TPRX2: variants seen among roughly 807,000 people sequenced by gnomAD.
The protein encoded by TPRX2 is tetrapeptide repeat homeobox protein 2.
the TPRX2 span, chr19:47,861,142 T>TCCCAGG: frequency 2.9e-6 from 2 of 694,698 alleles, no homozygotes; most frequent in South Asian, 1.5e-5. Flanking sequence ...CCAGCCCAGA[T>TCCCAGG]CCCAGGCCCA....
the TPRX2 span, chr19:47,861,198 T>A: frequency 1.6e-6 from 1 of 630,950 alleles, no homozygotes. Flanking sequence ...AGGCCCACTG[T>A]CAGTCTCGAT....
At chr19:47,859,391 G>C in the TPRX2 span, among the ~76,000 whole-genome samples, 13,199 of 150,586 alleles carry the variant, frequency 0.088, 823 homozygotes, top group Non-Finnish European at 0.13. Context: ...TCCTGCAGAC[G>C]GGGGAGAACT....
At chr19:47,861,160 G>GCCCAGC in the TPRX2 span, 2 of 683,038 alleles carry the variant, frequency 2.9e-6, no homozygotes, top group African/African-American at 3.5e-5. Context: ...CCAGTCCCAG[G>GCCCAGC]CCCAGCCCCG....
chr19:47,861,358 C>T, the TPRX2 span: 9 of 473,812 alleles, frequency 1.9e-5, no homozygotes, highest in Non-Finnish European at 3.8e-5. Context: ...AACTTGTCGC[C>T]AGACACCCAG....
the TPRX2 span, chr19:47,861,115 C>T: frequency 1.4e-6 from 1 of 703,922 alleles, no homozygotes; most frequent in Non-Finnish European, 2.6e-6. Flanking sequence ...GGCCCAATCC[C>T]AGCCCCTATC....
At chr19:47,861,285 G>A in the TPRX2 span, 1 of 497,122 alleles carries the variant, frequency 2.0e-6, no homozygotes, top group Non-Finnish European at 4.0e-6. Context: ...CCTGATGCCA[G>A]GCCCAGGATC....
chr19:47,861,009 G>A, the TPRX2 span: 2 of 1,044,696 alleles, frequency 1.9e-6, no homozygotes, highest in Non-Finnish European at 2.9e-6. Flanking sequence ...AGTCCTCCCA[G>A]CAGCAGAACC....
At chr19:47,860,855 G>T in the TPRX2 span, 5 of 1,532,808 alleles carry the variant, frequency 3.3e-6, no homozygotes, top group African/African-American at 4.1e-5. Context: ...GGCTCCAGCA[G>T]CAGCCCCAGC....
the TPRX2 span, chr19:47,860,351 C>T: frequency 9.7e-6 from 9 of 932,088 alleles, no homozygotes; most frequent in African/African-American, 1.7e-5. Context: ...TGTCACTCAC[C>T]GGGGCCTGGC....
At chr19:47,860,376 C>T in the TPRX2 span, 1 of 665,120 alleles carries the variant, frequency 1.5e-6, no homozygotes, top group South Asian at 1.8e-5. Flanking sequence ...CCGACCACCT[C>T]CCGCCCTGCC....
At chr19:47,860,845 G>A in the TPRX2 span, 6 of 1,532,792 alleles carry the variant, frequency 3.9e-6, no homozygotes, top group Non-Finnish European at 4.4e-6. Context: ...CGGGAGCGGC[G>A]GCTCCAGCAG....
At chr19:47,860,761 T>C in the TPRX2 span, 174 of 1,516,340 alleles carry the variant, frequency 1.1e-4, 1 homozygote, top group East Asian at 4.6e-4. Context: ...GCCGCGCGAG[T>C]CCCTCCTTCA....
the TPRX2 span, chr19:47,861,207 A>G: frequency 1.6e-6 from 1 of 613,972 alleles, no homozygotes; most frequent in South Asian, 1.5e-5. Context: ...GTCAGTCTCG[A>G]TCCCCGGTCC....
At chr19:47,860,756 G>A in the TPRX2 span, 4 of 1,510,776 alleles carry the variant, frequency 2.6e-6, no homozygotes, top group Admixed American at 2.1e-5. Context: ...CCCGGGCCGC[G>A]CGAGTCCCTC....
the TPRX2 span, chr19:47,861,571 C>A: frequency 1.8e-6 from 2 of 1,092,446 alleles, no homozygotes; most frequent in African/African-American, 1.6e-5. Context: ...CTGATCTACA[C>A]TGCTGGTGAC....
chr19:47,859,902 C>T, the TPRX2 span, among the ~76,000 whole-genome samples: 1 of 149,990 alleles, frequency 6.7e-6, no homozygotes, highest in African/African-American at 2.4e-5. Flanking sequence ...ACGCTGCCTG[C>T]CTTCCCAGGA....
the TPRX2 span, chr19:47,860,697 G>C: frequency 7.5e-7 from 1 of 1,337,398 alleles, no homozygotes; most frequent in South Asian, 1.5e-5. Context: ...GCGGGGTGGG[G>C]GTGAACACCG....
chr19:47,860,675 C>T, the TPRX2 span: 1 of 1,119,962 alleles, frequency 8.9e-7, no homozygotes, highest in South Asian at 1.6e-5. Flanking sequence ...CGGGGGCCCT[C>T]ATATGGTGGG....
At chr19:47,861,576 G>A in the TPRX2 span, 4 of 1,066,900 alleles carry the variant, frequency 3.7e-6, no homozygotes, top group Non-Finnish European at 5.1e-6. Flanking sequence ...CTACACTGCT[G>A]GTGACTTTCT....
Sources: gnomAD v4.1 joint callset for allele counts (sites outside exome capture counted in the v4.1 genomes callset) on GRCh38, gnomAD v4.1.1 for gene constraint, MANE v1.5 for transcripts, NCBI Gene and HGNC (gene_info 2026-07-23, HGNC 2026-07-21) for gene names.